PPP1R17: variants seen among roughly 807,000 people sequenced by gnomAD.
The protein encoded by PPP1R17 is G-substrate.
A neutral mutation model predicts 15.9 loss-of-function variants in PPP1R17; 12 were observed. The ratio of observed to expected loss-of-function variants is 0.75; its 90% confidence interval spans 0.48 to 1.22. PPP1R17 has a LOEUF of 1.22. Ranked by LOEUF, PPP1R17 falls within the 50% of genes most tolerant of loss-of-function variation. The pLI is 0.00. For missense variants in PPP1R17, 211 were observed against 187.3 expected (o/e 1.13, Z -0.74); for synonymous variants, 63 against 64.5 (o/e 0.98, Z 0.11).
chr7:31,703,110 A>G (rs2128246924), intron 4 of PPP1R17, among the ~76,000 whole-genome samples: 1 of 152,346 alleles, frequency 6.6e-6, no homozygotes, highest in Non-Finnish European at 1.5e-5. Context: ...TATGTCTCCC[A>G]GGGCTGTTAA....
At chr7:31,697,524 C>CAG (rs1792647015) in intron 4 of PPP1R17, among the ~76,000 whole-genome samples, 3 of 152,150 alleles carry the variant, frequency 2.0e-5, no homozygotes, top group African/African-American at 7.2e-5. Context: ...AAAAGAGATG[C>CAG]AGAAATAAGG....
At chr7:31,698,868 C>T (rs1792725775) in intron 4 of PPP1R17, among the ~76,000 whole-genome samples, 1 of 152,124 alleles carries the variant, frequency 6.6e-6, no homozygotes, top group African/African-American at 2.4e-5. Flanking sequence ...GTGGGTGTGT[C>T]ATGGGGGTAA....
intron 2 of PPP1R17, among the ~76,000 whole-genome samples, chr7:31,693,502 C>A (rs1054413023): frequency 2.6e-5 from 4 of 152,150 alleles, no homozygotes; most frequent in African/African-American, 9.7e-5. Context: ...CAGCAGTGTA[C>A]CCCTCAGCTT....
intron 3 of PPP1R17, 66 bp from the exon 4 acceptor site, chr7:31,696,899 C>T: frequency 6.6e-7 from 1 of 1,526,492 alleles, no homozygotes; most frequent in Non-Finnish European, 8.9e-7. Flanking sequence ...TAAATATGCA[C>T]AGTCCTCATA....
At chr7:31,687,927 C>G (rs984946305) in intron 1 of PPP1R17, among the ~76,000 whole-genome samples, 1 of 152,164 alleles carries the variant, frequency 6.6e-6, no homozygotes, top group African/African-American at 2.4e-5. Flanking sequence ...AGCTAAGTGT[C>G]AACTCGCTTC....
intron 3 of PPP1R17, among the ~76,000 whole-genome samples, chr7:31,696,341 A>C (rs1792582449): frequency 8.7e-6 from 1 of 115,596 alleles, no homozygotes; most frequent in Non-Finnish European, 1.9e-5. Flanking sequence ...TCTAAGAAAT[A>C]ACAACAGCAC....
At chr7:31,690,669 A>G (rs896911612) in intron 1 of PPP1R17, among the ~76,000 whole-genome samples, 1 of 152,246 alleles carries the variant, frequency 6.6e-6, no homozygotes, top group African/African-American at 2.4e-5. Flanking sequence ...TATTAGGCAC[A>G]TAAGAACAGC....
At chr7:31,687,329 C>T (rs537834940) in intron 1 of PPP1R17, 23 bp downstream of exon 1, 1 of 152,390 alleles carries the variant, frequency 6.6e-6, no homozygotes, top group East Asian at 1.9e-4. Flanking sequence ...GATTTTTACT[C>T]CAAGAACTTT....
chr7:31,695,361 C>A, intron 2 of PPP1R17, 108 bp from the exon 3 acceptor site: 1 of 992,784 alleles, frequency 1.0e-6, no homozygotes, highest in Non-Finnish European at 1.4e-6. Flanking sequence ...CCTTTTCAGG[C>A]CAAATCACCT....
Position 31,708,080 on chromosome 7 carries a change from A to C in PPP1R17, c.*797A>C, listed in dbSNP as rs750275037. 1 of 152,248 alleles carries C rather than the reference A, an allele frequency of 6.6e-6. No individual in the cohort carries two copies. Among genetic ancestry groups the C allele is most frequent in the Non-Finnish European group, 1.5e-5 (1 of 68,046 alleles). 9.4% of individuals were successfully genotyped at this position (152,248 alleles called of 1,614,324 possible). A position where few individuals can be genotyped will look rare whatever the true frequency, so the allele number is the denominator to read the frequency against. The stretch of plus-strand genomic sequence containing the variant: ...GTGATGAATTTACTGTAAAAAAATT[A>C]AGGTCAATGAAAGCCATTCTGTTAT... On this transcript the variant is annotated 3_prime_UTR_variant, in exon 5 of 5. Coordinates refer to ENST00000342032, the MANE Select transcript of PPP1R17 (RefSeq NM_006658.5).
chr7:31,706,041 G>T (rs567163083), intron 4 of PPP1R17, among the ~76,000 whole-genome samples: 20 of 105,454 alleles, frequency 1.9e-4, no homozygotes, highest in Non-Finnish European at 2.6e-4. Flanking sequence ...GTCTTGCTCT[G>T]TTGCCCAGGC....
chr7:31,702,180 G>C (rs550285005), intron 4 of PPP1R17, among the ~76,000 whole-genome samples: 3 of 150,244 alleles, frequency 2.0e-5, no homozygotes, highest in African/African-American at 7.4e-5. Flanking sequence ...TTGTGATATG[G>C]CTTAAATCAG....
rs1793153547 is a variant in PPP1R17 at position 31,708,341 on chromosome 7, A to G, written c.*1058A>G. On this transcript the variant is annotated 3_prime_UTR_variant, in exon 5 of 5. Coordinates refer to ENST00000342032, the MANE Select transcript of PPP1R17 (RefSeq NM_006658.5). ...CAAATTGTCACAACTAAGAGTGATA[A>G]TTTGGTAGCTCTGTATGTATGCTGG... 1 of 152,208 alleles carries G rather than the reference A, an allele frequency of 6.6e-6. No individual in the cohort carries two copies. The highest frequency in any genetic ancestry group is 2.1e-4 in the South Asian group (1 of 4,828). 9.4% of individuals were successfully genotyped at this position (152,208 alleles called of 1,614,324 possible). A position where few individuals can be genotyped will look rare whatever the true frequency, so the allele number is the denominator to read the frequency against.
intron 4 of PPP1R17, among the ~76,000 whole-genome samples, chr7:31,702,500 T>G (rs1792893568): frequency 6.6e-6 from 1 of 152,178 alleles, no homozygotes; most frequent in South Asian, 2.1e-4. Context: ...TACCTTTCAG[T>G]AGTCAGCCAG....
chr7:31,693,013 A>G (rs1181647430), intron 2 of PPP1R17, among the ~76,000 whole-genome samples: 1 of 150,262 alleles, frequency 6.7e-6, no homozygotes, highest in African/African-American at 2.5e-5. Flanking sequence ...TAACCTTTGT[A>G]ATGAAAATAC....
At chr7:31,700,855 A>G (rs1792818531) in intron 4 of PPP1R17, among the ~76,000 whole-genome samples, 1 of 152,200 alleles carries the variant, frequency 6.6e-6, no homozygotes, top group African/African-American at 2.4e-5. Context: ...ACATGTTTAC[A>G]GCATAATTTA....
intron 4 of PPP1R17, among the ~76,000 whole-genome samples, chr7:31,702,035 A>G (rs1473804388): frequency 6.6e-6 from 1 of 152,122 alleles, no homozygotes; most frequent in Non-Finnish European, 1.5e-5. Flanking sequence ...AAGTCCTGCA[A>G]AAGGAATCAT....
At position 31,692,387 on chromosome 7, in the gene PPP1R17, G is replaced by GT. The variant is rs1180103498; in HGVS notation, c.-36-13dup. The GT allele has an allele frequency of 1.4e-6, 2 of 1,421,434 alleles. No individual in the cohort carries two copies. The highest frequency in any genetic ancestry group is 2.3e-5 in the East Asian group (1 of 43,860). 88.1% of individuals were successfully genotyped at this position (1,421,434 alleles called of 1,614,324 possible). ...ATAAACAGAGCCATACTTATTAACTGTTTTTTATACTTCCTTAGTGCTGGA... is the reference window on the plus strand; with the variant it reads ...ATAAACAGAGCCATACTTATTAACTGTTTTTTTATACTTCCTTAGTGCTGGA... On this transcript the variant is annotated intron_variant, in intron 1 of 4. Transcript: ENST00000342032.
chr7:31,698,867 T>A (rs889267878), intron 4 of PPP1R17, among the ~76,000 whole-genome samples: 10 of 152,132 alleles, frequency 6.6e-5, no homozygotes, highest in Non-Finnish European at 1.2e-4. Context: ...TGTGGGTGTG[T>A]CATGGGGGTA....
Sources: allele counts gnomAD v4.1 joint callset (sites outside exome capture counted in the v4.1 genomes callset), GRCh38; gene constraint gnomAD v4.1.1; transcripts MANE v1.5; gene names NCBI Gene and HGNC (gene_info 2026-07-23, HGNC 2026-07-21).